The following YWHAB variants were observed in gnomAD, a reference collection of about 807,000 sequenced individuals.
YWHAB encodes the protein tyrosine 3-monooxygenase/tryptophan 5-monooxygenase activation protein beta, also known as 14-3-3 protein beta/alpha.
In YWHAB, 2 loss-of-function variants were observed where a neutral mutation model predicts 28.5. That is an observed-to-expected ratio of 0.07 (90% CI 0.03 to 0.22). The LOEUF is 0.22. Ranked by LOEUF, YWHAB falls within the 10% of genes least tolerant of loss-of-function variation. YWHAB has a pLI of 1.00. For synonymous variants in YWHAB, 103 were observed against 104.7 expected, an observed-to-expected ratio of 0.98 and a Z score of 0.10; for missense variants, 148 against 297.1, an observed-to-expected ratio of 0.50 and a Z score of 3.69.
At position 44,906,539 on chromosome 20, in the gene YWHAB, G is replaced by T. The variant is rs983403898; in HGVS notation, c.*101G>T. ...AAAAAAAAAAAAAAGAGAATCGTAC[G>T]TCGACTTTCGATTTTTCACAGCCTC... On this transcript the variant is annotated 3_prime_UTR_variant, in exon 6 of 6. Transcript: ENST00000353703. 36 of 1,090,274 alleles carry T rather than the reference G, an allele frequency of 3.3e-5. No homozygotes were observed. Among genetic ancestry groups the T allele is most frequent in the Non-Finnish European group, 4.6e-5 (36 of 789,550 alleles). 67.5% of individuals were successfully genotyped at this position (1,090,274 alleles called of 1,614,324 possible).
rs1423869950 is a variant in YWHAB, at chr20:44,907,486, G to C, written c.*1048G>C. Reference sequence around the variant, plus strand: ...AACAAAAAACAAAAAAAGGAATGATGTTCTGTAGAGATGGCCTTTCACTTG... The same window carrying C: ...AACAAAAAACAAAAAAAGGAATGATCTTCTGTAGAGATGGCCTTTCACTTG... On this transcript the variant is annotated 3_prime_UTR_variant, in exon 6 of 6. Coordinates refer to ENST00000353703, the MANE Select transcript of YWHAB (RefSeq NM_139323.4). 1 of 152,166 alleles carries C rather than the reference G, an allele frequency of 6.6e-6. No individual in the cohort carries two copies. The highest frequency in any genetic ancestry group is 2.4e-5 in the African/African-American group (1 of 41,428). 9.4% of individuals were successfully genotyped at this position (152,166 alleles called of 1,614,324 possible).
intron 2 of YWHAB, chr20:44,903,000 TGAA>T: frequency 2.1e-6 from 2 of 966,112 alleles, no homozygotes; most frequent in African/African-American, 3.5e-5. Flanking sequence ...TGAAAGAATG[TGAA>T]GAAGAGCTTG....
intron 1 of YWHAB, among the ~76,000 whole-genome samples, chr20:44,898,216 A>G (rs1470704406): frequency 6.6e-6 from 1 of 152,222 alleles, no homozygotes. Context: ...TGAAGATGTC[A>G]GATGGATCAA....
chr20:44,906,141 C>T (rs374163232), intron 5 of YWHAB, 45 bp downstream of exon 5: 4 of 1,445,650 alleles, frequency 2.8e-6, no homozygotes, highest in Non-Finnish European at 3.9e-6. Context: ...TCCTATTCAC[C>T]TACTTAATAA....
chr20:44,892,397 AT>A (rs1262108141), intron 1 of YWHAB, among the ~76,000 whole-genome samples: 1 of 151,006 alleles, frequency 6.6e-6, no homozygotes, highest in Non-Finnish European at 1.5e-5. Context: ...AAGGAGAGGC[AT>A]TGTAACCCTT....
Position 44,901,638 on chromosome 20 carries a change from G to T in YWHAB, c.105G>T (p.Gly35=), listed in dbSNP as rs375556088. The T allele has an allele frequency of 6.2e-6, 10 of 1,614,168 alleles. No individual in the cohort carries two copies. Among genetic ancestry groups the T allele is most frequent in the Non-Finnish European group, 8.5e-6 (10 of 1,180,038 alleles). The change falls in exon 2 of 6, where the codon GGG becomes GGT. Residue 35 remains glycine, a synonymous_variant. Coordinates refer to ENST00000353703, the MANE Select transcript of YWHAB (RefSeq NM_139323.4). ...CCATGAAGGCAGTCACAGAACAGGG[G>T]CATGAACTCTCCAACGAAGAGAGAA... ...AAAMKAVTEQ[G]HELSNEERNL... is the part of the protein sequence containing the mutation.
chr20:44,905,269 G>A (rs962418011), intron 4 of YWHAB, 138 bp downstream of exon 4: 1 of 728,876 alleles, frequency 1.4e-6, no homozygotes, highest in African/African-American at 1.8e-5. Flanking sequence ...TCTTTTATGA[G>A]ATAAATACAG....
intron 1 of YWHAB, among the ~76,000 whole-genome samples, chr20:44,896,567 C>G (rs955199483): frequency 6.6e-6 from 1 of 152,208 alleles, no homozygotes; most frequent in African/African-American, 2.4e-5. Flanking sequence ...AAATCTGACT[C>G]TGCTTTTGGC....
chr20:44,899,949 C>T (rs1421159491), intron 1 of YWHAB, among the ~76,000 whole-genome samples: 1 of 152,142 alleles, frequency 6.6e-6, no homozygotes, highest in Admixed American at 6.5e-5. Flanking sequence ...AAATTAGTGC[C>T]TGATATTTTT....
At chr20:44,893,744 G>A (rs1213650267) in intron 1 of YWHAB, among the ~76,000 whole-genome samples, 2 of 132,976 alleles carry the variant, frequency 1.5e-5, no homozygotes, top group East Asian at 4.3e-4. Context: ...TGTCGCCCAG[G>A]CTGGAGTGTA....
At chr20:44,895,816 A>G (rs1029344082) in intron 1 of YWHAB, among the ~76,000 whole-genome samples, 1 of 152,236 alleles carries the variant, frequency 6.6e-6, no homozygotes, top group African/African-American at 2.4e-5. Flanking sequence ...AATTCAAGAA[A>G]CTAGGTACAA....
intron 1 of YWHAB, chr20:44,886,184 T>TC (rs2066526153): frequency 6.6e-6 from 1 of 152,514 alleles, no homozygotes; most frequent in South Asian, 2.1e-4. Context: ...TCCCGGACCC[T>TC]CCCTCACTAT....
intron 2 of YWHAB, chr20:44,903,099 A>G: frequency 5.1e-6 from 5 of 986,334 alleles, no homozygotes; most frequent in Non-Finnish European, 6.0e-6. Flanking sequence ...CGAAGCTTGG[A>G]CTCCTTCAGA....
chr20:44,906,502 G>GTT lies in YWHAB; in HGVS notation c.*64_*65insTT. On this transcript the variant is annotated 3_prime_UTR_variant, in exon 6 of 6. Coordinates refer to ENST00000353703, the MANE Select transcript of YWHAB (RefSeq NM_139323.4). The stretch of plus-strand genomic sequence containing the variant: ...TACCCTCAACATATATCCCTTGTGC[G>GTT]ATAAAAAAAAAAAAAAAAAAAAAAA... The GTT allele has an allele frequency of 1.7e-6, 1 of 583,232 alleles. No individual in the cohort carries two copies. Among genetic ancestry groups the GTT allele is most frequent in the Non-Finnish European group, 2.3e-6 (1 of 434,436 alleles). 36.1% of individuals were successfully genotyped at this position (583,232 alleles called of 1,614,324 possible). A position where few individuals can be genotyped will look rare whatever the true frequency, so the allele number is the denominator to read the frequency against.
chr20:44,888,744 T>A (rs1370091153), intron 1 of YWHAB, among the ~76,000 whole-genome samples: 1 of 152,232 alleles, frequency 6.6e-6, no homozygotes, highest in African/African-American at 2.4e-5. Context: ...AGCAAGCTTG[T>A]GAACAATCCA....
chr20:44,904,274 G>A (rs149854464), intron 3 of YWHAB, among the ~76,000 whole-genome samples, 158 bp downstream of exon 3: 6 of 151,956 alleles, frequency 3.9e-5, no homozygotes, highest in East Asian at 1.9e-4. Flanking sequence ...GGTCATGGGC[G>A]GGCAAATAAA....
intron 1 of YWHAB, among the ~76,000 whole-genome samples, chr20:44,899,309 A>G (rs1291261627): frequency 5.9e-5 from 9 of 152,154 alleles, no homozygotes; most frequent in Non-Finnish European, 1.3e-4. Context: ...GCAAAATCCC[A>G]TCTCTACTAA....
rs766332800 is a variant in YWHAB, at chr20:44,903,983, C to A, written c.301-10C>A. ...ATAATTCTAAATTCTTAACAATGTT[C>A]ATTTTTTAGGAGCTGTTGGACAAAT... On this transcript the variant is annotated splice_polypyrimidine_tract_variant and intron_variant, in intron 2 of 5. Transcript: ENST00000353703. 1 of 1,591,098 alleles carries A rather than the reference C, an allele frequency of 6.3e-7. No homozygotes were observed. Among genetic ancestry groups the A allele is most frequent in the Non-Finnish European group, 8.5e-7 (1 of 1,174,288 alleles).
chr20:44,889,401 G>A (rs2066547029), intron 1 of YWHAB, among the ~76,000 whole-genome samples: 1 of 151,710 alleles, frequency 6.6e-6, no homozygotes, highest in Non-Finnish European at 1.5e-5. Context: ...TCTGATACTT[G>A]TAATGAGATG....
Sources: allele counts gnomAD v4.1 joint callset (sites outside exome capture counted in the v4.1 genomes callset), GRCh38; gene constraint gnomAD v4.1.1; transcripts MANE v1.5; gene names NCBI Gene and HGNC (gene_info 2026-07-23, HGNC 2026-07-21).